Variants in MCPH1 observed in about 807,000 individuals in gnomAD.
The protein encoded by MCPH1 is microcephalin 1, also known as microcephalin.
Under a neutral mutation model 84.5 loss-of-function variants are expected in MCPH1, and 104 were observed. The ratio of observed to expected loss-of-function variants is 1.23; its 90% CI spans 1.05 to 1.45. The LOEUF (loss-of-function observed/expected upper bound fraction) is 1.45. Ranked by LOEUF, MCPH1 falls within the 40% of genes most tolerant of loss-of-function variation. The pLI is 0.00. For synonymous variants in MCPH1, 514 were observed against 366.8 expected (o/e 1.40, Z -4.58); for missense variants, 1,498 against 1,005.7 (o/e 1.49, Z -6.62).
chr8:6,462,557 A>T (rs1027833731), intron 9 of MCPH1, among the ~76,000 whole-genome samples: 1 of 152,210 alleles, frequency 6.6e-6, no homozygotes, highest in African/African-American at 2.4e-5. Context: ...TTTCAGTAAA[A>T]GATGGATTCT....
At chr8:6,454,650 A>G (rs1805485323) in intron 8 of MCPH1, among the ~76,000 whole-genome samples, 1 of 152,232 alleles carries the variant, frequency 6.6e-6, no homozygotes, top group Non-Finnish European at 1.5e-5. Flanking sequence ...ACGCTGGTCT[A>G]AGGTGGAAAC....
intron 9 of MCPH1, among the ~76,000 whole-genome samples, chr8:6,458,811 AT>A (rs1805972156): frequency 6.6e-6 from 1 of 151,978 alleles, no homozygotes; most frequent in South Asian, 2.1e-4. Context: ...CGCCTGGCTA[AT>A]TTTTTAAGTT....
At chr8:6,625,358 C>G in intron 13 of MCPH1, 1 of 985,430 alleles carries the variant, frequency 1.0e-6, no homozygotes, top group Non-Finnish European at 1.2e-6. Flanking sequence ...CTCATCATCC[C>G]TGCCCCTTCG....
chr8:6,449,903 C>T (rs1463023809), intron 8 of MCPH1, among the ~76,000 whole-genome samples: 1 of 152,188 alleles, frequency 6.6e-6, no homozygotes, highest in Non-Finnish European at 1.5e-5. Context: ...GACTGGTCAT[C>T]CTGAACTAGT....
chr8:6,519,785 C>G, intron 12 of MCPH1: 12 of 1,530,358 alleles, frequency 7.8e-6, no homozygotes, highest in South Asian at 3.7e-5. Context: ...TGGGGAGAGA[C>G]TTCTGCTCTC....
At chr8:6,642,731 T>G in intron 13 of MCPH1, 1 of 530,146 alleles carries the variant, frequency 1.9e-6, no homozygotes, top group Non-Finnish European at 3.4e-6. Context: ...AACGGGAACG[T>G]GCCCTGCATC....
intron 3 of MCPH1, 129 bp from the exon 4 acceptor site, chr8:6,431,370 T>G: frequency 1.4e-6 from 1 of 707,578 alleles, no homozygotes; most frequent in Non-Finnish European, 2.5e-6. Context: ...TTGTATTTAT[T>G]TTTTAAAAGT....
intron 13 of MCPH1, chr8:6,626,215 A>G: frequency 1.0e-6 from 1 of 985,368 alleles, no homozygotes; most frequent in Non-Finnish European, 1.2e-6. Flanking sequence ...GCTGGCATAG[A>G]ACAGGGAGTG....
At chr8:6,605,156 C>T (rs1178207677) in intron 12 of MCPH1, among the ~76,000 whole-genome samples, 1 of 152,130 alleles carries the variant, frequency 6.6e-6, no homozygotes, top group African/African-American at 2.4e-5. Flanking sequence ...TCCTGACACC[C>T]AGCCCCGCTC....
intron 2 of MCPH1, among the ~76,000 whole-genome samples, chr8:6,412,917 C>T (rs1240665411): frequency 6.6e-6 from 1 of 152,116 alleles, no homozygotes; most frequent in East Asian, 1.9e-4. Context: ...AAAGAGAAAC[C>T]AGCAACGCTT....
intron 12 of MCPH1, among the ~76,000 whole-genome samples, chr8:6,504,008 G>GA (rs1812725576): frequency 6.6e-6 from 1 of 152,110 alleles, no homozygotes; most frequent in African/African-American, 2.4e-5. Context: ...ATATTAAATG[G>GA]AAAAATCTAG....
At chr8:6,520,145 C>G in intron 12 of MCPH1, 1 of 771,776 alleles carries the variant, frequency 1.3e-6, no homozygotes, top group South Asian at 2.6e-5. Context: ...TAGAAAGTTT[C>G]CTTTCAGCCT....
chr8:6,559,503 AAAAC>A (rs764180596), intron 12 of MCPH1, among the ~76,000 whole-genome samples: 24 of 152,298 alleles, frequency 1.6e-4, no homozygotes, highest in South Asian at 8.3e-4. Flanking sequence ...TGTTGTTTAA[AAAAC>A]AAACAAACAA....
At chr8:6,484,762 T>C (rs910584729) in intron 11 of MCPH1, among the ~76,000 whole-genome samples, 2 of 152,230 alleles carry the variant, frequency 1.3e-5, no homozygotes, top group Non-Finnish European at 2.9e-5. Context: ...ATAGCTGGTC[T>C]CAGAAGGTCA....
intron 13 of MCPH1, among the ~76,000 whole-genome samples, chr8:6,624,618 C>T (rs549093363): frequency 2.6e-5 from 4 of 152,242 alleles, no homozygotes; most frequent in East Asian, 1.9e-4. Context: ...TTTTTCTGTC[C>T]GTACATACTT....
At position 6,592,614 on chromosome 8, in the gene MCPH1, C is replaced by CTTTTTTTTTTTTTT. The variant is rs1252024553; in HGVS notation, c.2215-28832_2215-28831insTTTTTTTTTTTTTT. ...GTCATCTAGGCTCTCGTTTTTCTTTCTTTTTTTTGTTTTTTTTTTTTTTTT... is the reference window on the plus strand; with the variant it reads ...GTCATCTAGGCTCTCGTTTTTCTTTCTTTTTTTTTTTTTTTTTTTTTTGTTTTTTTTTTTTTTTT... On this transcript the variant is annotated intron_variant, in intron 12 of 13. Coordinates refer to ENST00000344683, the MANE Select transcript of MCPH1 (RefSeq NM_024596.5). 5.2e-4 allele frequency among the ~76,000 whole-genome samples: 34 copies of CTTTTTTTTTTTTTT among 65,486 alleles called. 1 individual carries two copies. The highest frequency in any genetic ancestry group is 9.4e-3 in the Middle Eastern group (1 of 106). The allele number at this position is 65,486 out of a possible 152,430, so 43.0% of individuals were successfully genotyped here.
chr8:6,495,570 G>A (rs1372324927), intron 11 of MCPH1, among the ~76,000 whole-genome samples: 1 of 152,172 alleles, frequency 6.6e-6, no homozygotes, highest in Non-Finnish European at 1.5e-5. Context: ...AACAATCTTT[G>A]TAATTTGATT....
At chr8:6,484,601 C>T (rs1299745658) in intron 11 of MCPH1, among the ~76,000 whole-genome samples, 1 of 152,226 alleles carries the variant, frequency 6.6e-6, no homozygotes, top group Non-Finnish European at 1.5e-5. Flanking sequence ...TTATCATCAG[C>T]TGGACCTGGA....
chr8:6,642,968 T>C, intron 13 of MCPH1, 26 bp from the exon 14 acceptor site: 3 of 1,611,666 alleles, frequency 1.9e-6, no homozygotes, highest in Non-Finnish European at 1.7e-6. Context: ...TTATGAATGC[T>C]AAACTGCTTT....
Sources: gnomAD v4.1 joint callset for allele counts (sites outside exome capture counted in the v4.1 genomes callset) on GRCh38, gnomAD v4.1.1 for gene constraint, MANE v1.5 for transcripts, NCBI Gene and HGNC (gene_info 2026-07-23, HGNC 2026-07-21) for gene names.